THAP8: variants seen among roughly 807,000 people sequenced by gnomAD.
The protein encoded by THAP8 is THAP domain containing 8.
A neutral mutation model predicts 25.0 loss-of-function variants in THAP8; 24 were observed. That is an observed-to-expected ratio of 0.96 (90% CI 0.69 to 1.35). THAP8 has a LOEUF of 1.35. THAP8 is among the 40% of genes most tolerant of loss of function. The pLI is 0.00. For missense variants in THAP8, 399 were observed against 368.8 expected (o/e 1.08, Z -0.67); for synonymous variants, 169 against 157.6 (o/e 1.07, Z -0.54).
chr19:36,039,028 T>A (rs1256660131), intron 3 of THAP8, among the ~76,000 whole-genome samples: 1 of 152,188 alleles, frequency 6.6e-6, no homozygotes, highest in Non-Finnish European at 1.5e-5. Flanking sequence ...TGCTTGGCAT[T>A]GCCAGATTTT....
At chr19:36,041,592 C>T (rs1384815768) in intron 1 of THAP8, among the ~76,000 whole-genome samples, 1 of 152,264 alleles carries the variant, frequency 6.6e-6, no homozygotes, top group Non-Finnish European at 1.5e-5. Context: ...CTTTAAACAA[C>T]TCAACAACAA....
At chr19:36,053,366 CAAAAAAAAAAAAAAAAA>C (rs58744657) in intron 1 of THAP8, among the ~76,000 whole-genome samples, 31 of 77,082 alleles carry the variant, frequency 4.0e-4, no homozygotes, top group South Asian at 1.1e-3. Flanking sequence ...CCAAGCCTGG[CAAAAAAAAAAAAAAAAA>C]AAAAAAAAAA....
chr19:36,051,538 G>A (rs1376189848), intron 1 of THAP8, among the ~76,000 whole-genome samples: 3 of 152,148 alleles, frequency 2.0e-5, no homozygotes, highest in African/African-American at 7.2e-5. Context: ...GTCCAGTCTG[G>A]AGGTGATAAT....
rs377530974 is a variant in THAP8 at position 36,048,469 on chromosome 19, G to A, written c.83+5666C>T. 1.8e-4 allele frequency among the ~76,000 whole-genome samples: 27 copies of A among 151,878 alleles called. No homozygotes were observed. In the East Asian group the frequency reaches 3.9e-3, roughly 22 times the overall value. On this transcript the variant is annotated intron_variant, in intron 1 of 3. Coordinates refer to ENST00000292894, the MANE Select transcript of THAP8 (RefSeq NM_152658.3). ...CAACCTCCGCCTCCCAGGTTCAAGCGATTCTCCCATCTCAGCCTCCTGAGT... is the reference window on the plus strand; with the variant it reads ...CAACCTCCGCCTCCCAGGTTCAAGCAATTCTCCCATCTCAGCCTCCTGAGT...
chr19:36,039,523 C>A lies in THAP8; in HGVS notation c.472G>T (p.Glu158Ter). ...LTPLAPAPTP[E>*]RSQPEVPAQQ... is the part of the protein sequence containing the mutation. ...GCAGGGACTTCAGGTTGTGACCGCT[C>A]AGGAGTTGGCGCAGGGGCCAGGGGG... The change falls in exon 3 of 4, where the codon GAG (glutamate) becomes TAG (stop). Residue 158 changes from glutamate (E) to a stop codon, truncating the protein, a stop_gained. Transcript: ENST00000292894. LOFTEE classifies it high-confidence loss of function. 1 of 1,562,934 alleles carries A rather than the reference C, an allele frequency of 6.4e-7. No individual in the cohort carries two copies. Among genetic ancestry groups the A allele is most frequent in the Admixed American group, 1.9e-5 (1 of 53,004 alleles).
chr19:36,054,335 G>A (rs1970217955), upstream of THAP8: 6 of 1,220,076 alleles, frequency 4.9e-6, no homozygotes, highest in Non-Finnish European at 5.8e-6. Context: ...CGTCCGTGGA[G>A]TCTCGTCACG....
At chr19:36,044,478 C>T (rs1188997819) in intron 1 of THAP8, among the ~76,000 whole-genome samples, 4 of 152,172 alleles carry the variant, frequency 2.6e-5, no homozygotes, top group Non-Finnish European at 4.4e-5. Flanking sequence ...GAGGCCTGCT[C>T]TCTTTCTTTT....
intron 3 of THAP8, 127 bp from the exon 4 acceptor site, chr19:36,035,719 T>G: frequency 9.4e-7 from 1 of 1,064,584 alleles, no homozygotes; most frequent in Non-Finnish European, 1.4e-6. Context: ...GAGAGAGATG[T>G]GGGGAGAGAT....
chr19:36,039,033 G>C (rs114657183), intron 3 of THAP8, among the ~76,000 whole-genome samples: 2,977 of 152,286 alleles, frequency 0.02, 90 homozygotes, highest in African/African-American at 0.069. Flanking sequence ...GGCATTGCCA[G>C]ATTTTGTTTT....
intron 1 of THAP8, among the ~76,000 whole-genome samples, 186 bp from the exon 2 acceptor site, chr19:36,040,322 T>A (rs1969647441): frequency 6.6e-6 from 1 of 152,136 alleles, no homozygotes; most frequent in African/African-American, 2.4e-5. Context: ...TTCAGCTTCA[T>A]CTTTTAGTAG....
At chr19:36,035,712 A>G (rs1969413774) in intron 3 of THAP8, 120 bp from the exon 4 acceptor site, 1 of 1,160,746 alleles carries the variant, frequency 8.6e-7, no homozygotes, top group East Asian at 2.4e-5. Context: ...GGAAACAGAG[A>G]GAGATGTGGG....
At chr19:36,043,183 C>T (rs1969758603) in intron 1 of THAP8, among the ~76,000 whole-genome samples, 1 of 152,156 alleles carries the variant, frequency 6.6e-6, no homozygotes, top group Non-Finnish European at 1.5e-5. Context: ...CCACCTCGGC[C>T]TCCCAAAGTG....
rs541141999 is a variant in THAP8 at position 36,040,146 on chromosome 19, T to C, written c.84-10A>G. The C allele has an allele frequency of 1.9e-5, 31 of 1,596,726 alleles. No individual in the cohort carries two copies. The highest frequency in any genetic ancestry group is 2.5e-5 in the Non-Finnish European group (29 of 1,171,088). On this transcript the variant is annotated splice_polypyrimidine_tract_variant and intron_variant, in intron 1 of 3. Transcript: ENST00000292894. The stretch of plus-strand genomic sequence containing the variant: ...ATCCTTCAGTGGGAACCTGCATGGG[T>C]GGTTGGGGGGCTGGGTCAGTGCTAC...
At chr19:36,052,323 A>G (rs1254709260) in intron 1 of THAP8, among the ~76,000 whole-genome samples, 1 of 152,188 alleles carries the variant, frequency 6.6e-6, no homozygotes, top group Non-Finnish European at 1.5e-5. Flanking sequence ...GATTACAGGC[A>G]TGAGCCACTG....
chr19:36,052,351 G>A lies in THAP8; in HGVS notation c.83+1784C>T, dbSNP rs147829914. On this transcript the variant is annotated intron_variant, in intron 1 of 3. Transcript: ENST00000292894. ...AGCCACTGTGCCTGGCCAGTTGCCC[G>A]CTTTTTATGAGAATCTAATGCCTGA... 4.1e-4 allele frequency among the ~76,000 whole-genome samples: 63 copies of A among 152,238 alleles called. No homozygotes were observed. In the East Asian group the frequency reaches 0.01, roughly 25 times the overall value.
chr19:36,038,850 C>CAAAA (rs541061979), intron 3 of THAP8, among the ~76,000 whole-genome samples: 2,286 of 90,264 alleles, frequency 0.025, 64 homozygotes, highest in African/African-American at 0.087. Flanking sequence ...GACTCCGTCT[C>CAAAA]AAAAAAAAAA....
intron 1 of THAP8, among the ~76,000 whole-genome samples, chr19:36,041,892 G>A (rs953421292): frequency 6.6e-6 from 1 of 152,092 alleles, no homozygotes; most frequent in Non-Finnish European, 1.5e-5. Context: ...ACCATCCTGG[G>A]CAATGTAGCA....
At chr19:36,046,162 T>C (rs1273229681) in intron 1 of THAP8, among the ~76,000 whole-genome samples, 2 of 152,062 alleles carry the variant, frequency 1.3e-5, no homozygotes, top group Non-Finnish European at 2.9e-5. Context: ...GTTCCCATGA[T>C]AGTGAGTGAG....
chr19:36,036,206 ACTGCTATCAC>A (rs1969436281), intron 3 of THAP8, among the ~76,000 whole-genome samples: 1 of 151,406 alleles, frequency 6.6e-6, no homozygotes, highest in Admixed American at 6.6e-5. Context: ...GCTCCAGCCA[ACTGCTATCAC>A]CTGAGAATCC....
Sources: allele counts gnomAD v4.1 joint callset (sites outside exome capture counted in the v4.1 genomes callset), GRCh38; gene constraint gnomAD v4.1.1; transcripts MANE v1.5; gene names NCBI Gene and HGNC (gene_info 2026-07-23, HGNC 2026-07-21).